The following SPOCK3 variants were observed in gnomAD, a reference collection of about 807,000 sequenced individuals.
SPOCK3 encodes SPARC (osteonectin), cwcv and kazal like domains proteoglycan 3.
In SPOCK3, 30 loss-of-function variants were observed where a neutral mutation model predicts 56.6. That is an observed-to-expected ratio of 0.53 (90% CI 0.40 to 0.72). SPOCK3 has a LOEUF of 0.72. SPOCK3 is among the 30% of genes least tolerant of loss of function. SPOCK3 has a pLI of 0.00. For synonymous variants in SPOCK3, 196 were observed against 183.3 expected, an observed-to-expected ratio of 1.07 and a Z score of -0.56; for missense variants, 527 against 530.0, an observed-to-expected ratio of 0.99 and a Z score of 0.06.
chr4:167,147,697 A>G (rs1353139105), intron 2 of SPOCK3, among the ~76,000 whole-genome samples: 1 of 152,148 alleles, frequency 6.6e-6, no homozygotes, highest in African/African-American at 2.4e-5. Context: ...TTCTCAGCAA[A>G]CTATCACAAG....
chr4:166,969,213 G>A (rs1474375445), intron 4 of SPOCK3, among the ~76,000 whole-genome samples: 1 of 152,142 alleles, frequency 6.6e-6, no homozygotes, highest in Non-Finnish European at 1.5e-5. Context: ...AAGAGACTTT[G>A]GACTTGGACA....
chr4:166,930,169 C>G (rs1483647878), intron 4 of SPOCK3, among the ~76,000 whole-genome samples: 1 of 151,684 alleles, frequency 6.6e-6, no homozygotes, highest in African/African-American at 2.4e-5. Context: ...TTGCTAGAAG[C>G]ATAACTAATC....
intron 3 of SPOCK3, among the ~76,000 whole-genome samples, chr4:167,044,558 C>T (rs1753545083): frequency 6.6e-6 from 1 of 151,986 alleles, no homozygotes; most frequent in East Asian, 1.9e-4. Context: ...ATGGTATAAA[C>T]TTCTTTGTAA....
intron 7 of SPOCK3, among the ~76,000 whole-genome samples, chr4:166,772,227 AAAT>A (rs1739028383): frequency 6.6e-6 from 1 of 152,156 alleles, no homozygotes; most frequent in Non-Finnish European, 1.5e-5. Context: ...CAAATACTAC[AAAT>A]AATGCAGTAG....
At chr4:167,021,707 A>C (rs1026669593) in intron 3 of SPOCK3, among the ~76,000 whole-genome samples, 1 of 152,030 alleles carries the variant, frequency 6.6e-6, no homozygotes, top group African/African-American at 2.4e-5. Context: ...AGAACGACCC[A>C]TATCTATACA....
At chr4:166,737,855 A>G (rs1011730309) in intron 9 of SPOCK3, among the ~76,000 whole-genome samples, 2 of 152,162 alleles carry the variant, frequency 1.3e-5, no homozygotes, top group African/African-American at 4.8e-5. Context: ...AAAGCAAAGT[A>G]CTATCTTACT....
chr4:167,109,396 TATTTATATATAAATATATA>T (rs1561225335), intron 2 of SPOCK3, among the ~76,000 whole-genome samples: 6 of 86,630 alleles, frequency 6.9e-5, no homozygotes, highest in Admixed American at 1.9e-4. Flanking sequence ...TATAAATATA[TATTTATATATAAATATATA>T]TATAAATATA....
At chr4:167,146,168 C>G (rs570679079) in intron 2 of SPOCK3, among the ~76,000 whole-genome samples, 30 of 152,150 alleles carry the variant, frequency 2.0e-4, no homozygotes, top group Non-Finnish European at 2.9e-4. Flanking sequence ...ACCCTAGTCT[C>G]TGATAAAACA....
At chr4:167,114,971 T>C (rs1307008334) in intron 2 of SPOCK3, among the ~76,000 whole-genome samples, 1 of 152,016 alleles carries the variant, frequency 6.6e-6, no homozygotes, top group African/African-American at 2.4e-5. Context: ...TGAGATACTA[T>C]GTTAAAATAA....
chr4:167,071,289 G>A (rs747459837), intron 2 of SPOCK3, among the ~76,000 whole-genome samples: 1 of 152,004 alleles, frequency 6.6e-6, no homozygotes, highest in Non-Finnish European at 1.5e-5. Flanking sequence ...TGTGCACAAC[G>A]TGCAGGTTTG....
At chr4:166,979,727 C>T (rs1746369376) in intron 4 of SPOCK3, among the ~76,000 whole-genome samples, 1 of 152,098 alleles carries the variant, frequency 6.6e-6, no homozygotes, top group Non-Finnish European at 1.5e-5. Flanking sequence ...TCCCAGGGAT[C>T]TATTCTCTAT....
chr4:166,952,710 A>G (rs1316646448), intron 4 of SPOCK3, among the ~76,000 whole-genome samples: 5 of 152,228 alleles, frequency 3.3e-5, no homozygotes, highest in African/African-American at 1.2e-4. Context: ...TAACCAAAAC[A>G]GCATGGTACT....
chr4:166,847,647 T>TTATATACATATATATA (rs1553986753), intron 6 of SPOCK3, among the ~76,000 whole-genome samples: 8 of 55,368 alleles, frequency 1.4e-4, no homozygotes, highest in African/African-American at 2.0e-4. Flanking sequence ...AAATCCTAGT[T>TTATATACATATATATA]TATATATATA....
At chr4:167,163,585 C>T (rs1765508185) in intron 2 of SPOCK3, among the ~76,000 whole-genome samples, 2 of 151,956 alleles carry the variant, frequency 1.3e-5, no homozygotes, top group Non-Finnish European at 2.9e-5. Context: ...CCCCTCCCCA[C>T]TACCCTTCCC....
chr4:166,842,258 T>C (rs995778304), intron 6 of SPOCK3, among the ~76,000 whole-genome samples: 2 of 152,246 alleles, frequency 1.3e-5, no homozygotes, highest in South Asian at 2.1e-4. Context: ...TTGCTGGCTC[T>C]GGCAGCCTGC....
At chr4:167,219,843 G>A (rs1735728027) in intron 2 of SPOCK3, among the ~76,000 whole-genome samples, 2 of 151,798 alleles carry the variant, frequency 1.3e-5, no homozygotes, top group Admixed American at 6.6e-5. Flanking sequence ...TTGCTTTTTT[G>A]CTAAAATCTC....
chr4:167,176,939 C>T (rs940911130), intron 2 of SPOCK3, among the ~76,000 whole-genome samples: 1 of 152,062 alleles, frequency 6.6e-6, no homozygotes, highest in East Asian at 1.9e-4. Flanking sequence ...TTGTTCAACT[C>T]TATGTCCACA....
intron 2 of SPOCK3, among the ~76,000 whole-genome samples, chr4:167,152,659 CT>C (rs1764519358): frequency 1.3e-5 from 2 of 152,098 alleles, no homozygotes; most frequent in Admixed American, 6.5e-5. Flanking sequence ...ATTATGAGTG[CT>C]TGTTGATGGC....
intron 3 of SPOCK3, among the ~76,000 whole-genome samples, chr4:167,047,940 G>A (rs1391445992): frequency 2.6e-5 from 4 of 152,110 alleles, no homozygotes; most frequent in African/African-American, 9.7e-5. Context: ...CAGTTACTTA[G>A]GAGGCTGAGC....
Sources: allele counts gnomAD v4.1 joint callset (sites outside exome capture counted in the v4.1 genomes callset), GRCh38; gene constraint gnomAD v4.1.1; transcripts MANE v1.5; gene names NCBI Gene and HGNC (gene_info 2026-07-23, HGNC 2026-07-21).